The following SYTL2 variants were observed in gnomAD, a reference collection of about 807,000 sequenced individuals.
SYTL2 encodes synaptotagmin like 2.
A neutral mutation model predicts 198.7 loss-of-function variants in SYTL2; 165 were observed. That is an observed-to-expected ratio of 0.83 (90% CI 0.73 to 0.94). The LOEUF (loss-of-function observed/expected upper bound fraction) is 0.94, where lower values mean the gene tolerates loss of function less well. Among genes scored for constraint, SYTL2 ranks in the 40% least tolerant of loss-of-function variants. SYTL2 has a pLI of 0.00. For missense variants in SYTL2, 2,835 were observed against 2,582.8 expected, an observed-to-expected ratio of 1.10 and a Z score of -2.12; for synonymous variants, 966 against 917.7, an observed-to-expected ratio of 1.05 and a Z score of -0.95.
At chr11:85,829,963 A>C in the SYTL2 span, among the ~76,000 whole-genome samples, 2 of 152,256 alleles carry the variant, frequency 1.3e-5, no homozygotes, top group Non-Finnish European at 2.9e-5. Flanking sequence ...GATTGGAAAC[A>C]ATTTCTAAAT....
the SYTL2 span, among the ~76,000 whole-genome samples, chr11:85,816,727 T>G: frequency 6.6e-6 from 1 of 152,036 alleles, no homozygotes; most frequent in Non-Finnish European, 1.5e-5. Context: ...CTGGGCAGCA[T>G]AGTGAGACTT....
Position 85,725,757 on chromosome 11 carries a change from G to A in SYTL2, c.3601C>T (p.His1201Tyr). Residue 1201 changes from histidine (H) to tyrosine (Y), a missense_variant, in exon 8 of 20, where the codon CAT becomes TAT. Around this residue, in one of 3 missense-constraint regions of SYTL2, gnomAD observed 2,645 missense variants for 2,381.7 expected, o/e 1.11. Transcript: ENST00000359152. Reference protein sequence around the residue: ...INEHVDKTVVHPKVKRNSLTA... With the variant: ...INEHVDKTVVYPKVKRNSLTA... ...AAAGAGTTCCGTTTAACCTTTGGAT[G>A]AACTACTGTTTTGTCAACATGCTCA... is the stretch of plus-strand genomic sequence containing the variant. The A allele has an allele frequency of 1.9e-6, 3 of 1,614,114 alleles. No homozygotes were observed. Among genetic ancestry groups the A allele is most frequent in the Non-Finnish European group, 2.5e-6 (3 of 1,179,998 alleles).
chr11:85,728,389 C>T (rs576013900), intron 7 of SYTL2, among the ~76,000 whole-genome samples: 6 of 152,148 alleles, frequency 3.9e-5, no homozygotes, highest in African/African-American at 1.2e-4. Flanking sequence ...CAGGTTCAAG[C>T]GATTCTTCTG....
At position 85,734,138 on chromosome 11, in the gene SYTL2, G is replaced by T; in HGVS notation, c.1191C>A (p.Thr397=). The T allele has an allele frequency of 2.5e-6, 4 of 1,614,206 alleles. No homozygotes were observed. The highest frequency in any genetic ancestry group is 3.4e-6 in the Non-Finnish European group (4 of 1,180,028). ...YRKPSLFHQS[T]SSPYVSKSET... ...CACTTTTTGATACATATGGGCTTGA[G>T]GTTGATTGATGAAAAAGCGAAGGCT... Residue 397 remains threonine (T), a synonymous_variant, in exon 7 of 20, where the codon ACC becomes ACA. Coordinates refer to ENST00000359152, the MANE Select transcript of SYTL2 (RefSeq NM_206927.4).
chr11:85,771,698 G>C (rs2092357739), intron 1 of SYTL2, among the ~76,000 whole-genome samples: 1 of 152,106 alleles, frequency 6.6e-6, no homozygotes, highest in South Asian at 2.1e-4. Flanking sequence ...AAGATTTAAA[G>C]TCACAAGATC....
intron 4 of SYTL2, 121 bp downstream of exon 4, chr11:85,745,516 C>T (rs2091089749): frequency 2.7e-6 from 3 of 1,092,760 alleles, no homozygotes; most frequent in Non-Finnish European, 3.9e-6. Flanking sequence ...CATACACTGC[C>T]CCTTCCCCAT....
chr11:85,698,735 C>A (rs566246777), intron 17 of SYTL2, among the ~76,000 whole-genome samples: 4 of 152,124 alleles, frequency 2.6e-5, no homozygotes, highest in Non-Finnish European at 5.9e-5. Flanking sequence ...GACAGAGTTT[C>A]GTCATGTTGC....
chr11:85,789,350 ATATATATATATATATATATATATATATG>A (rs869259496), intron 1 of SYTL2, among the ~76,000 whole-genome samples: 3,351 of 38,080 alleles, frequency 0.088, 74 homozygotes, highest in South Asian at 0.18. Context: ...GTATATATAT[ATATATATATATATATATATATATATATG>A]TATATATATA....
Position 85,789,879 on chromosome 11 carries a change from G to C in SYTL2, c.-390+21075C>G, listed in dbSNP as rs146755340. 1.6e-4 allele frequency among the ~76,000 whole-genome samples: 24 copies of C among 152,236 alleles called. No homozygotes were observed. In the East Asian group the frequency reaches 4.6e-3, roughly 29 times the overall value. ...TATTATTGAAATAAGAATGTATACA[G>C]TATAGATCCTTCAAAACATATTAGG... On this transcript the variant is annotated intron_variant, in intron 1 of 19. Transcript: ENST00000359152.
intron 4 of SYTL2, among the ~76,000 whole-genome samples, chr11:85,743,563 AG>A (rs143889444): frequency 0.021 from 3,175 of 152,300 alleles, 63 homozygotes; most frequent in Admixed American, 0.037. Context: ...TGTCCTGGTG[AG>A]GAAATTCTGT....
intron 1 of SYTL2, among the ~76,000 whole-genome samples, chr11:85,770,790 A>C (rs1036364005): frequency 6.6e-6 from 1 of 152,078 alleles, no homozygotes; most frequent in African/African-American, 2.4e-5. Context: ...ATTTCCCCTC[A>C]CAAATACCCC....
At chr11:85,702,617 C>T (rs1297923691) in intron 16 of SYTL2, among the ~76,000 whole-genome samples, 3 of 152,126 alleles carry the variant, frequency 2.0e-5, no homozygotes. Context: ...AAAACTAGAC[C>T]AGATCACATG....
the SYTL2 span, among the ~76,000 whole-genome samples, chr11:85,839,594 T>A: frequency 2.0e-5 from 3 of 152,216 alleles, no homozygotes; most frequent in Non-Finnish European, 2.9e-5. Flanking sequence ...TTCAGTTTCA[T>A]CCATGTTGCT....
intron 1 of SYTL2, among the ~76,000 whole-genome samples, chr11:85,791,372 A>C (rs2092728861): frequency 6.6e-6 from 1 of 152,080 alleles, no homozygotes. Context: ...TGCAATGATT[A>C]AGGATTGGGA....
chr11:85,851,051 A>C, the SYTL2 span, among the ~76,000 whole-genome samples: 2 of 149,474 alleles, frequency 1.3e-5, no homozygotes, highest in Non-Finnish European at 1.5e-5. Flanking sequence ...GGGGAGGGAT[A>C]GCATCGGGAG....
At position 85,757,991 on chromosome 11, in the gene SYTL2, G is replaced by C. The variant is rs2091962195; in HGVS notation, c.-266C>G. 5.2e-6 allele frequency: 2 copies of C among 387,286 alleles called. No individual in the cohort carries two copies. Among genetic ancestry groups the C allele is most frequent in the Non-Finnish European group, 9.7e-6 (2 of 206,264 alleles). 24.0% of individuals were successfully genotyped at this position (387,286 alleles called of 1,614,324 possible). A position where few individuals can be genotyped will look rare whatever the true frequency, so the allele number is the denominator to read the frequency against. ...AGGATGCTGTATTCCTTGCCAAACA[G>C]GTCGCTTGTTCCTATGGTGGCTTCC... is the stretch of plus-strand genomic sequence containing the variant. On this transcript the variant is annotated 5_prime_UTR_variant, in exon 2 of 20. Transcript: ENST00000359152.
chr11:85,854,870 T>C, the SYTL2 span: 7 of 152,242 alleles, frequency 4.6e-5, no homozygotes, highest in African/African-American at 1.7e-4. Flanking sequence ...GGCTTGCGAC[T>C]AAAGGGAGCC....
the SYTL2 span, among the ~76,000 whole-genome samples, chr11:85,832,909 T>C: frequency 6.7e-6 from 1 of 149,434 alleles, no homozygotes; most frequent in African/African-American, 2.5e-5. Flanking sequence ...GCTGGGAGGA[T>C]CACTTGAGCC....
intron 7 of SYTL2, among the ~76,000 whole-genome samples, chr11:85,730,375 C>T (rs1199445275): frequency 6.6e-6 from 1 of 152,188 alleles, no homozygotes; most frequent in African/African-American, 2.4e-5. Flanking sequence ...TCCAGCAGCA[C>T]ATCAAAAAGC....
Sources: allele counts gnomAD v4.1 joint callset (sites outside exome capture counted in the v4.1 genomes callset), GRCh38; gene constraint gnomAD v4.1.1; regional missense constraint gnomAD v4.1.1; transcripts MANE v1.5; gene names NCBI Gene and HGNC (gene_info 2026-07-23, HGNC 2026-07-21).